Variants in EYS observed in about 807,000 individuals in gnomAD.
The protein encoded by EYS is protein eyes shut homolog.
A neutral mutation model predicts 282.1 loss-of-function variants in EYS; 250 were observed. That is an observed-to-expected ratio of 0.89 (90% CI 0.80 to 0.98). EYS has a LOEUF of 0.98. Ranked by LOEUF, EYS falls within the 50% of genes least tolerant of loss-of-function variation. The pLI, the probability that EYS is intolerant of heterozygous loss-of-function variation, is 0.00. For synonymous variants in EYS, 1,355 were observed against 1,282.9 expected, an observed-to-expected ratio of 1.06 and a Z score of -1.20; for missense variants, 4,016 against 3,709.0, an observed-to-expected ratio of 1.08 and a Z score of -2.15.
intron 41 of EYS, among the ~76,000 whole-genome samples, chr6:63,752,174 C>T (rs1304597810): frequency 6.6e-6 from 1 of 152,100 alleles, no homozygotes; most frequent in Non-Finnish European, 1.5e-5. Context: ...AACTAGGATA[C>T]CTGGACTTCT....
At chr6:65,090,382 C>T (rs1255644247) in intron 12 of EYS, among the ~76,000 whole-genome samples, 1 of 152,074 alleles carries the variant, frequency 6.6e-6, no homozygotes, top group African/African-American at 2.4e-5. Context: ...TTCCTTAGGC[C>T]TCACCTGCCA....
At chr6:63,732,097 G>T (rs1394230800) in intron 41 of EYS, among the ~76,000 whole-genome samples, 1 of 151,676 alleles carries the variant, frequency 6.6e-6, no homozygotes, top group African/African-American at 2.4e-5. Flanking sequence ...GCTGATACTG[G>T]GTCAGTGCAG....
chr6:63,870,961 T>C (rs1772786705), intron 35 of EYS, among the ~76,000 whole-genome samples: 1 of 152,174 alleles, frequency 6.6e-6, no homozygotes, highest in African/African-American at 2.4e-5. Flanking sequence ...TTCAGATCTT[T>C]CCCAGTCCTG....
intron 16 of EYS, among the ~76,000 whole-genome samples, chr6:64,906,403 G>A (rs1177814541): frequency 6.6e-6 from 1 of 152,090 alleles, no homozygotes; most frequent in East Asian, 1.9e-4. Context: ...ACCTTAACAG[G>A]TATGTGCTAC....
chr6:65,246,727 C>T (rs1305346027), intron 12 of EYS, among the ~76,000 whole-genome samples: 2 of 152,112 alleles, frequency 1.3e-5, no homozygotes, highest in African/African-American at 4.8e-5. Flanking sequence ...CACATGTATG[C>T]GTGCTCGCTC....
chr6:65,520,192 A>G (rs993660893), intron 2 of EYS, among the ~76,000 whole-genome samples: 3 of 152,158 alleles, frequency 2.0e-5, no homozygotes, highest in Non-Finnish European at 2.9e-5. Context: ...TATAATTTGA[A>G]AACTCAGAAA....
intron 13 of EYS, among the ~76,000 whole-genome samples, chr6:65,041,773 G>A (rs534148531): frequency 6.6e-6 from 1 of 151,478 alleles, no homozygotes; most frequent in South Asian, 2.1e-4. Flanking sequence ...TTTCACATTG[G>A]CACAAGCAAC....
intron 29 of EYS, among the ~76,000 whole-genome samples, chr6:64,340,944 C>A (rs1252620542): frequency 3.3e-5 from 5 of 151,654 alleles, no homozygotes; most frequent in Non-Finnish European, 7.4e-5. Flanking sequence ...ACATAAATGG[C>A]CAACAAACAT....
intron 14 of EYS, among the ~76,000 whole-genome samples, chr6:64,967,754 C>T (rs1770147547): frequency 6.6e-6 from 1 of 152,188 alleles, no homozygotes; most frequent in African/African-American, 2.4e-5. Context: ...TCCCATTTAT[C>T]ATTCAGGAAG....
chr6:65,555,003 C>T (rs1179896550), intron 2 of EYS, among the ~76,000 whole-genome samples: 1 of 107,494 alleles, frequency 9.3e-6, no homozygotes, highest in East Asian at 3.7e-4. Context: ...TGTAACTTTA[C>T]ACAAGGAAAA....
intron 12 of EYS, among the ~76,000 whole-genome samples, chr6:65,081,593 A>G (rs1373854942): frequency 6.6e-6 from 1 of 152,082 alleles, no homozygotes; most frequent in Non-Finnish European, 1.5e-5. Flanking sequence ...ATATAAATTC[A>G]TTGATATGAA....
intron 22 of EYS, among the ~76,000 whole-genome samples, chr6:64,805,853 G>A (rs1202791213): frequency 6.6e-6 from 1 of 151,254 alleles, no homozygotes; most frequent in Admixed American, 6.6e-5. Context: ...TGAAATTCTA[G>A]TAATTTTATT....
intron 22 of EYS, among the ~76,000 whole-genome samples, chr6:64,636,453 A>C (rs1767984923): frequency 6.6e-6 from 1 of 152,262 alleles, no homozygotes; most frequent in South Asian, 2.1e-4. Flanking sequence ...GATGGATTAA[A>C]GACTTACATG....
intron 31 of EYS, among the ~76,000 whole-genome samples, chr6:64,206,529 T>C (rs748764942): frequency 6.6e-6 from 1 of 152,220 alleles, no homozygotes; most frequent in Admixed American, 6.5e-5. Context: ...ACTTTTGTCA[T>C]ATTTGCAACC....
At chr6:64,416,109 G>A (rs905481903) in intron 28 of EYS, among the ~76,000 whole-genome samples, 4 of 152,016 alleles carry the variant, frequency 2.6e-5, no homozygotes, top group Non-Finnish European at 5.9e-5. Flanking sequence ...GGCTACCTTC[G>A]CACATGAATT....
intron 28 of EYS, among the ~76,000 whole-genome samples, chr6:64,423,259 C>T (rs1774294687): frequency 6.6e-6 from 1 of 152,194 alleles, no homozygotes; most frequent in Non-Finnish European, 1.5e-5. Flanking sequence ...TGTATAACCA[C>T]TTTCATTTCA....
chr6:64,545,574 T>A (rs1562052497), intron 26 of EYS, among the ~76,000 whole-genome samples: 1 of 152,096 alleles, frequency 6.6e-6, no homozygotes, highest in Non-Finnish European at 1.5e-5. Flanking sequence ...AAAGAGGAAA[T>A]CAAAATGTTC....
Position 65,171,501 on chromosome 6 carries a change from C to G in EYS, c.2024-113774G>C, listed in dbSNP as rs1332443313. 5.3e-5 allele frequency among the ~76,000 whole-genome samples: 8 copies of G among 151,560 alleles called. No homozygotes were observed. In the East Asian group the frequency reaches 1.6e-3, roughly 30 times the overall value. ...GAAGTTAAACAGAAACAAAGAATTT[C>G]AAATGTAAGACCCAAAATGCCAGAT... is the stretch of plus-strand genomic sequence containing the variant. On this transcript the variant is annotated intron_variant, in intron 12 of 42. Coordinates refer to ENST00000503581, the MANE Select transcript of EYS (RefSeq NM_001142800.2).
At chr6:64,240,659 G>T (rs539341351) in intron 30 of EYS, among the ~76,000 whole-genome samples, 1 of 152,222 alleles carries the variant, frequency 6.6e-6, no homozygotes, top group African/African-American at 2.4e-5. Flanking sequence ...GGGCTGAGAC[G>T]ATGGGGTTTT....
Sources: gnomAD v4.1 joint callset for allele counts (sites outside exome capture counted in the v4.1 genomes callset) on GRCh38, gnomAD v4.1.1 for gene constraint, MANE v1.5 for transcripts, NCBI Gene and HGNC (gene_info 2026-07-23, HGNC 2026-07-21) for gene names.